Variants in STAC observed in about 807,000 individuals in gnomAD.
STAC encodes the protein SH3 and cysteine-rich domain-containing protein.
STAC carries 43 observed loss-of-function variants against 48.8 expected under a neutral mutation model. The observed-to-expected ratio is 0.88, with a 90% confidence interval of 0.69 to 1.14. The LOEUF (loss-of-function observed/expected upper bound fraction) is 1.14, where lower values mean the gene tolerates loss of function less well. Among genes scored for constraint, STAC ranks in the 50% most tolerant of loss-of-function variants. STAC has a pLI of 0.00. For missense variants in STAC, 497 were observed against 504.0 expected (o/e 0.99, Z 0.13); for synonymous variants, 193 against 179.5 (o/e 1.07, Z -0.60).
At chr3:36,462,000 C>T (rs1479966611) in intron 2 of STAC, among the ~76,000 whole-genome samples, 3 of 151,770 alleles carry the variant, frequency 2.0e-5, no homozygotes, top group Admixed American at 2.0e-4. Context: ...GGCGTGGGGG[C>T]GAGGATTGAC....
chr3:36,484,898 GTTTTA>G lies in STAC; in HGVS notation c.490-75_490-71del, dbSNP rs1187627520. The G allele has an allele frequency of 2.5e-6, 3 of 1,196,230 alleles. No homozygotes were observed. The African/African-American group carries it at 4.7e-5, about 19-fold the overall frequency. 74.1% of individuals were successfully genotyped at this position (1,196,230 alleles called of 1,614,324 possible). A position where few individuals can be genotyped will look rare whatever the true frequency, so the allele number is the denominator to read the frequency against. On this transcript the variant is annotated intron_variant, in intron 3 of 10. Coordinates refer to ENST00000273183, the MANE Select transcript of STAC (RefSeq NM_003149.3). ...AGGGTGCTCCTGGAGAAACCAATTG[GTTTTA>G]TTTAGGGAGCTCTTGTATGGTTTTC...
chr3:36,485,167 G>T (rs1013574845), intron 4 of STAC, 109 bp downstream of exon 4: 360 of 830,472 alleles, frequency 4.3e-4, no homozygotes, highest in Non-Finnish European at 6.0e-4. Context: ...CTGTGTGTTT[G>T]TTTGGTGGCT....
At chr3:36,514,605 G>C (rs997916709) in intron 8 of STAC, among the ~76,000 whole-genome samples, 10 of 152,150 alleles carry the variant, frequency 6.6e-5, no homozygotes, top group Non-Finnish European at 1.3e-4. Context: ...TAGAGCATGA[G>C]CTCATTCTTG....
intron 10 of STAC, among the ~76,000 whole-genome samples, chr3:36,542,201 G>T (rs1339566158): frequency 3.9e-5 from 6 of 152,138 alleles, no homozygotes; most frequent in African/African-American, 1.4e-4. Context: ...ACACCTGTTT[G>T]CCCTTTTCCC....
intron 1 of STAC, among the ~76,000 whole-genome samples, chr3:36,398,370 A>AC (rs1699911177): frequency 1.4e-5 from 2 of 147,354 alleles, no homozygotes; most frequent in Non-Finnish European, 3.0e-5. Context: ...AAAGAAAGAA[A>AC]AGAAAGAGAG....
chr3:36,469,797 G>C (rs890323435), intron 2 of STAC, among the ~76,000 whole-genome samples: 5 of 151,536 alleles, frequency 3.3e-5, no homozygotes, highest in African/African-American at 1.2e-4. Flanking sequence ...TTGATGGATT[G>C]GGTTAATTCG....
chr3:36,492,595 T>A (rs531873526), intron 5 of STAC, among the ~76,000 whole-genome samples: 9 of 152,336 alleles, frequency 5.9e-5, no homozygotes, highest in Admixed American at 1.3e-4. Flanking sequence ...TTATTGTTGT[T>A]TTTGTTCTTG....
At chr3:36,499,504 A>G (rs1350987786) in intron 6 of STAC, among the ~76,000 whole-genome samples, 1 of 152,148 alleles carries the variant, frequency 6.6e-6, no homozygotes, top group Non-Finnish European at 1.5e-5. Context: ...AAAGATGAGA[A>G]GGAGAAAAAA....
At chr3:36,420,435 A>G (rs6785826) in intron 1 of STAC, among the ~76,000 whole-genome samples, 151,992 of 152,338 alleles carry the variant, frequency 1, 75,824 homozygotes, top group Middle Eastern at 1. Flanking sequence ...ACCGGTCTGT[A>G]GCCTGTTAGG....
chr3:36,508,786 C>A (rs546628628), intron 8 of STAC, among the ~76,000 whole-genome samples: 1 of 152,070 alleles, frequency 6.6e-6, no homozygotes, highest in African/African-American at 2.4e-5. Context: ...TTCCTGCATC[C>A]CTTTATTTTG....
At chr3:36,389,244 G>A (rs1396010583) in intron 1 of STAC, among the ~76,000 whole-genome samples, 1 of 152,154 alleles carries the variant, frequency 6.6e-6, no homozygotes, top group Non-Finnish European at 1.5e-5. Flanking sequence ...ATAAACAACA[G>A]AAATGTATCT....
At chr3:36,428,818 T>C (rs1307367590) in intron 1 of STAC, among the ~76,000 whole-genome samples, 2 of 152,180 alleles carry the variant, frequency 1.3e-5, no homozygotes, top group African/African-American at 2.4e-5. Context: ...GAAAGGATAT[T>C]AGATTTTATT....
At chr3:36,419,412 G>A (rs1700396570) in intron 1 of STAC, among the ~76,000 whole-genome samples, 1 of 152,164 alleles carries the variant, frequency 6.6e-6, no homozygotes, top group Admixed American at 6.5e-5. Context: ...AAGGTTCACT[G>A]AAAAATCAAC....
chr3:36,429,728 C>T (rs1321474479), intron 1 of STAC, among the ~76,000 whole-genome samples: 7 of 152,166 alleles, frequency 4.6e-5, no homozygotes, highest in Non-Finnish European at 2.9e-5. Flanking sequence ...GGTTTCAGGC[C>T]TCAGGGTCCA....
At chr3:36,398,292 T>TA (rs762378201) in intron 1 of STAC, among the ~76,000 whole-genome samples, 7 of 80,578 alleles carry the variant, frequency 8.7e-5, no homozygotes, top group Admixed American at 1.6e-4. Flanking sequence ...GAAGGTATGT[T>TA]AAAAAAGAAA....
At chr3:36,401,899 G>A (rs2125627602) in intron 1 of STAC, among the ~76,000 whole-genome samples, 1 of 152,296 alleles carries the variant, frequency 6.6e-6, no homozygotes, top group Middle Eastern at 3.4e-3. Flanking sequence ...AAGGGAAGGG[G>A]AAAGGGGATG....
intron 10 of STAC, among the ~76,000 whole-genome samples, chr3:36,536,004 C>T (rs1468113628): frequency 1.3e-5 from 2 of 152,066 alleles, no homozygotes; most frequent in East Asian, 3.9e-4. Flanking sequence ...GGGAGGGGTC[C>T]CTCCTTTTCA....
intron 2 of STAC, among the ~76,000 whole-genome samples, chr3:36,456,763 T>G (rs542461009): frequency 3.3e-4 from 51 of 152,330 alleles, no homozygotes; most frequent in African/African-American, 1.2e-3. Context: ...CCTTTATTGA[T>G]AAATCCCTTC....
At position 36,528,928 on chromosome 3, in the gene STAC, T is replaced by G; in HGVS notation, c.1053T>G (p.Cys351Trp). Residue 351 changes from cysteine to tryptophan, a missense_variant, in exon 10 of 11, where the codon TGT becomes TGG. Physicochemically the swap from Cys to Trp is radical, Grantham distance 215. Transcript: ENST00000273183. ...AACAAAATGAGAAGATTTTTAGATG[T>G]GTTAGAACCTTCATTGGGTGTAAGG... ...RLQQNEKIFR[C>W]VRTFIGCKEQ... 1 of 1,613,794 alleles carries G rather than the reference T, an allele frequency of 6.2e-7. No individual in the cohort carries two copies. The highest frequency in any genetic ancestry group is 8.5e-7 in the Non-Finnish European group (1 of 1,179,828).
Sources: gnomAD v4.1 joint callset for allele counts (sites outside exome capture counted in the v4.1 genomes callset) on GRCh38, gnomAD v4.1.1 for gene constraint, MANE v1.5 for transcripts, NCBI Gene and HGNC (gene_info 2026-07-23, HGNC 2026-07-21) for gene names.